Variants in EYA2 observed in about 807,000 individuals in gnomAD.
The protein encoded by EYA2 is protein phosphatase EYA2.
A neutral mutation model predicts 69.2 loss-of-function variants in EYA2; 31 were observed. The ratio of observed to expected loss-of-function variants is 0.45; its 90% confidence interval spans 0.34 to 0.60. The LOEUF is 0.60. Among genes scored for constraint, EYA2 ranks in the 20% least tolerant of loss-of-function variants. The pLI is 0.02. For missense variants in EYA2, 622 were observed against 701.2 expected (o/e 0.89, Z 1.28); for synonymous variants, 257 against 279.4 (o/e 0.92, Z 0.80).
chr20:46,939,619 A>C (rs1986071129), intron 1 of EYA2, among the ~76,000 whole-genome samples: 1 of 152,214 alleles, frequency 6.6e-6, no homozygotes, highest in South Asian at 2.1e-4. Context: ...CAGGGAAAGA[A>C]AATGACTTAC....
At chr20:47,094,236 T>A (rs1418174288) in intron 8 of EYA2, among the ~76,000 whole-genome samples, 1 of 152,238 alleles carries the variant, frequency 6.6e-6, no homozygotes, top group African/African-American at 2.4e-5. Flanking sequence ...TTTTTAAAAG[T>A]TCTATTACTG....
In EYA2 at chr20:47,028,185, C is replaced by A. The variant is rs74991176; in HGVS notation, c.415+11888C>A. Reference sequence around the variant, plus strand: ...CAGTGAGAAGGTGACCATATGCAAGCCAGGAAGAAGACCTTCACCAGGAAT... The same window carrying A: ...CAGTGAGAAGGTGACCATATGCAAGACAGGAAGAAGACCTTCACCAGGAAT... On this transcript the variant is annotated intron_variant, in intron 5 of 15. Transcript: ENST00000327619. Among the ~76,000 whole-genome samples the A allele has an allele frequency of 1.1e-3, 174 of 152,286 alleles. 3 individuals are homozygous for A. In the East Asian group the frequency reaches 0.026, roughly 23 times the overall value.
intron 1 of EYA2, among the ~76,000 whole-genome samples, chr20:46,907,592 G>A (rs746040041): frequency 7.2e-5 from 11 of 152,178 alleles, no homozygotes; most frequent in East Asian, 1.9e-4. Flanking sequence ...TAACCCCAGC[G>A]CTTTGGGAAG....
chr20:46,940,919 C>T (rs1046539547), intron 1 of EYA2, among the ~76,000 whole-genome samples: 2 of 152,204 alleles, frequency 1.3e-5, no homozygotes, highest in East Asian at 1.9e-4. Flanking sequence ...GTTTGCCTGC[C>T]GGGCCCCTAG....
intron 1 of EYA2, among the ~76,000 whole-genome samples, chr20:46,950,037 T>C (rs902443568): frequency 4.6e-5 from 7 of 152,152 alleles, no homozygotes; most frequent in African/African-American, 1.7e-4. Flanking sequence ...ATAGCCTGTG[T>C]TTTTCTCCAC....
chr20:46,976,441 A>G (rs1353002583), intron 1 of EYA2, among the ~76,000 whole-genome samples: 1 of 151,214 alleles, frequency 6.6e-6, no homozygotes, highest in African/African-American at 2.4e-5. Flanking sequence ...GCTAGAGTGC[A>G]GTGGTGCGAT....
At chr20:46,927,644 A>C (rs1465608238) in intron 1 of EYA2, among the ~76,000 whole-genome samples, 1 of 152,308 alleles carries the variant, frequency 6.6e-6, no homozygotes, top group Non-Finnish European at 1.5e-5. Context: ...CCACGAGAAC[A>C]GTATGGAGGA....
chr20:47,114,344 G>A (rs6122553), intron 9 of EYA2, among the ~76,000 whole-genome samples: 58,315 of 152,172 alleles, frequency 0.38, 13,772 homozygotes, highest in East Asian at 0.53. Flanking sequence ...GGCCGGCCAC[G>A]GTGGCTCATG....
chr20:47,157,102 T>G (rs1439352203), intron 10 of EYA2, among the ~76,000 whole-genome samples: 1 of 151,828 alleles, frequency 6.6e-6, no homozygotes, highest in Non-Finnish European at 1.5e-5. Flanking sequence ...TGCCTGTAAT[T>G]CCAGCATTTT....
chr20:47,121,465 T>C (rs1237969636), intron 9 of EYA2, among the ~76,000 whole-genome samples: 1 of 152,180 alleles, frequency 6.6e-6, no homozygotes, highest in East Asian at 1.9e-4. Flanking sequence ...CTTCAAGGAA[T>C]TGATTCATTT....
chr20:46,908,634 G>A (rs1279376084), intron 1 of EYA2, among the ~76,000 whole-genome samples: 1 of 152,198 alleles, frequency 6.6e-6, no homozygotes, highest in East Asian at 1.9e-4. Flanking sequence ...TAGTGGAGTA[G>A]GTATGCTAAT....
chr20:46,915,343 T>C (rs1190936407), intron 1 of EYA2, among the ~76,000 whole-genome samples: 3 of 152,132 alleles, frequency 2.0e-5, no homozygotes, highest in Admixed American at 2.0e-4. Flanking sequence ...TTTGAAACGG[T>C]GTCAAATTAT....
At position 46,990,054 on chromosome 20, in the gene EYA2, A is replaced by G. The variant is rs1241162973; in HGVS notation, c.44A>G (p.Asp15Gly). Residue 15 changes from aspartate to glycine, a missense_variant, in exon 2 of 16, where the codon GAT (aspartate) becomes GGT (glycine). By Grantham distance (94) the Asp-to-Gly change is moderately conservative. This residue lies in a region of EYA2 where 365 missense variants were observed against 349.7 expected (regional missense o/e 1.04). Transcript: ENST00000327619. ...TCACCCAGCCTCACTGTAAACAGCG[A>G]TTGTCTGGATAAACTGAAGTTTAAC... ...VISPSLTVNS[D>G]CLDKLKFNRA... is the part of the protein sequence containing the mutation. 2 of 1,612,906 alleles carry G rather than the reference A, an allele frequency of 1.2e-6. No homozygotes were observed. Among genetic ancestry groups the G allele is most frequent in the Admixed American group, 3.3e-5 (2 of 60,014 alleles).
chr20:46,905,314 G>A (rs1247625734), intron 1 of EYA2, among the ~76,000 whole-genome samples: 2 of 152,208 alleles, frequency 1.3e-5, no homozygotes, highest in African/African-American at 4.8e-5. Flanking sequence ...CAAAGCATGG[G>A]CCTGTTGTAC....
chr20:47,061,534 G>GAA (rs200501954), intron 5 of EYA2, among the ~76,000 whole-genome samples: 28 of 146,568 alleles, frequency 1.9e-4, no homozygotes, highest in African/African-American at 6.2e-4. Context: ...TGTCTCAACT[G>GAA]AAAAAAAAAA....
chr20:46,943,881 G>A (rs1986255648), intron 1 of EYA2, among the ~76,000 whole-genome samples: 1 of 152,240 alleles, frequency 6.6e-6, no homozygotes, highest in East Asian at 1.9e-4. Context: ...TTGCACACTT[G>A]TATCTTTTCC....
At chr20:46,954,709 C>A (rs1351903595) in intron 1 of EYA2, among the ~76,000 whole-genome samples, 2 of 152,174 alleles carry the variant, frequency 1.3e-5, no homozygotes, top group Non-Finnish European at 2.9e-5. Context: ...CCAGGAGATG[C>A]CACCGATAGC....
At chr20:47,133,380 A>G (rs1217510115) in intron 9 of EYA2, among the ~76,000 whole-genome samples, 1 of 152,218 alleles carries the variant, frequency 6.6e-6, no homozygotes, top group Non-Finnish European at 1.5e-5. Flanking sequence ...ATCACCCTGA[A>G]AGACCCATAA....
intron 1 of EYA2, among the ~76,000 whole-genome samples, chr20:46,909,523 A>C (rs1038365196): frequency 6.6e-6 from 1 of 152,192 alleles, no homozygotes; most frequent in Admixed American, 6.5e-5. Context: ...TAAGTGACAA[A>C]AAAACTTACT....
Sources: gnomAD v4.1 joint callset for allele counts (sites outside exome capture counted in the v4.1 genomes callset) on GRCh38, gnomAD v4.1.1 for gene constraint, gnomAD v4.1.1 regional missense constraint, MANE v1.5 for transcripts, NCBI Gene and HGNC (gene_info 2026-07-23, HGNC 2026-07-21) for gene names.